GFRA1: variants seen among roughly 807,000 people sequenced by gnomAD.
The protein encoded by GFRA1 is GDNF family receptor alpha 1.
GFRA1 carries 16 observed loss-of-function variants against 51.6 expected under a neutral mutation model. That is an observed-to-expected ratio of 0.31 (90% CI 0.21 to 0.47). GFRA1 has a LOEUF of 0.47. GFRA1 is among the 20% of genes least tolerant of loss of function. The probability of loss-of-function intolerance (pLI) is 1.00; values close to 1 mark genes in which losing one functional copy is unlikely to be tolerated. For synonymous variants in GFRA1, 270 were observed against 241.3 expected (o/e 1.12, Z -1.10); for missense variants, 530 against 594.3 (o/e 0.89, Z 1.13).
At chr10:116,126,095 G>T (rs1295223175) in intron 5 of GFRA1, among the ~76,000 whole-genome samples, 1 of 152,190 alleles carries the variant, frequency 6.6e-6, no homozygotes, top group Non-Finnish European at 1.5e-5. Flanking sequence ...ACAGGAAGAA[G>T]CCACCACAAC....
intron 5 of GFRA1, among the ~76,000 whole-genome samples, chr10:116,187,064 T>G (rs747244521): frequency 1.3e-5 from 2 of 152,196 alleles, no homozygotes; most frequent in African/African-American, 2.4e-5. Context: ...ACAGTTGTGT[T>G]CAGATAACTG....
intron 6 of GFRA1, among the ~76,000 whole-genome samples, chr10:116,097,931 C>T (rs1010548279): frequency 9.2e-5 from 14 of 152,176 alleles, no homozygotes; most frequent in Non-Finnish European, 2.1e-4. Flanking sequence ...TAAGGAAGCG[C>T]ATTATGCATC....
chr10:116,137,401 T>C (rs915103040), intron 5 of GFRA1, among the ~76,000 whole-genome samples: 1 of 152,180 alleles, frequency 6.6e-6, no homozygotes, highest in Non-Finnish European at 1.5e-5. Context: ...CAGGTCTTTA[T>C]TTTTAGTTAA....
At chr10:116,125,645 T>A (rs1957841005) in intron 5 of GFRA1, 88 bp from the exon 6 acceptor site, 2 of 1,039,598 alleles carry the variant, frequency 1.9e-6, no homozygotes, top group African/African-American at 1.6e-5. Flanking sequence ...CTGCCATTTA[T>A]CTGGCATTGC....
intron 4 of GFRA1, among the ~76,000 whole-genome samples, chr10:116,232,867 C>G (rs1311486963): frequency 6.6e-6 from 1 of 152,126 alleles, no homozygotes; most frequent in Non-Finnish European, 1.5e-5. Flanking sequence ...GGGAAGCCCA[C>G]TTCTCATGTG....
chr10:116,064,923 A>G (rs1466015256), intron 10 of GFRA1, among the ~76,000 whole-genome samples: 2 of 152,154 alleles, frequency 1.3e-5, no homozygotes, highest in African/African-American at 4.8e-5. Context: ...CTCTCCCTGC[A>G]TGAGCCAGTT....
chr10:116,244,511 T>A (rs1345265767), intron 4 of GFRA1, among the ~76,000 whole-genome samples: 1 of 147,968 alleles, frequency 6.8e-6, no homozygotes, highest in East Asian at 1.9e-4. Context: ...ATCCTATATA[T>A]AAAAATATAT....
Position 116,061,836 on chromosome 10 carries a change from T to G in GFRA1, c.*2562A>C, listed in dbSNP as rs1233116022. 2 of 396,634 alleles carry G rather than the reference T, an allele frequency of 5.0e-6. No homozygotes were observed. The highest frequency in any genetic ancestry group is 4.1e-5 in the African/African-American group (2 of 48,608). 24.6% of individuals were successfully genotyped at this position (396,634 alleles called of 1,614,324 possible). On this transcript the variant is annotated 3_prime_UTR_variant, in exon 11 of 11. Coordinates refer to ENST00000355422, the MANE Select transcript of GFRA1 (RefSeq NM_005264.8). ...TCCAGTTCTGGGGCAAATGATGGTG[T>G]TTTAGGGTCACCGTGTCAAACTAAG...
At chr10:116,168,827 C>G (rs1358872102) in intron 5 of GFRA1, among the ~76,000 whole-genome samples, 1 of 152,224 alleles carries the variant, frequency 6.6e-6, no homozygotes, top group Non-Finnish European at 1.5e-5. Flanking sequence ...CATCCACATC[C>G]AGCATGCAGA....
intron 5 of GFRA1, among the ~76,000 whole-genome samples, chr10:116,204,046 CTGA>C (rs1964542060): frequency 6.6e-6 from 1 of 152,224 alleles, no homozygotes; most frequent in African/African-American, 2.4e-5. Flanking sequence ...ACTTCTACAT[CTGA>C]GCAGTCATGT....
chr10:116,210,770 C>T (rs889889072), intron 5 of GFRA1, among the ~76,000 whole-genome samples: 16 of 152,134 alleles, frequency 1.1e-4, no homozygotes, highest in Non-Finnish European at 4.4e-5. Flanking sequence ...TATTTTTAAA[C>T]CAGTCTCTTT....
At chr10:116,233,319 C>T (rs10885880) in intron 4 of GFRA1, among the ~76,000 whole-genome samples, 57,022 of 151,242 alleles carry the variant, frequency 0.38, 11,643 homozygotes, top group East Asian at 0.54. Flanking sequence ...CAGAGTGAGA[C>T]TCCATCTCAA....
intron 6 of GFRA1, among the ~76,000 whole-genome samples, chr10:116,115,688 C>T (rs1188023671): frequency 2.0e-5 from 3 of 152,044 alleles, no homozygotes; most frequent in Non-Finnish European, 4.4e-5. Flanking sequence ...TTTGTTGCTC[C>T]GTGGATGAAA....
intron 4 of GFRA1, among the ~76,000 whole-genome samples, chr10:116,247,098 C>A (rs929260067): frequency 3.3e-5 from 5 of 152,142 alleles, no homozygotes; most frequent in Admixed American, 6.5e-5. Context: ...TAAGTCTACA[C>A]CCCTGTATGC....
intron 5 of GFRA1, among the ~76,000 whole-genome samples, chr10:116,200,530 A>C (rs960945454): frequency 4.6e-5 from 7 of 152,224 alleles, no homozygotes; most frequent in African/African-American, 1.7e-4. Flanking sequence ...GCTATAGCTA[A>C]ATATCTGAAA....
At chr10:116,084,968 C>G (rs960750888) in intron 9 of GFRA1, among the ~76,000 whole-genome samples, 32 of 152,166 alleles carry the variant, frequency 2.1e-4, no homozygotes, top group Non-Finnish European at 3.2e-4. Flanking sequence ...AATAGCACAG[C>G]CTGTGCCATG....
At chr10:116,233,246 T>C (rs1378159788) in intron 4 of GFRA1, among the ~76,000 whole-genome samples, 1 of 151,840 alleles carries the variant, frequency 6.6e-6, no homozygotes, top group African/African-American at 2.4e-5. Context: ...GAGCATCCCT[T>C]GAACCTGGGA....
chr10:116,058,384 C>G lies in GFRA1; in HGVS notation c.*6014G>C, dbSNP rs531016223. ...TTCCCACCTGCACCATGGCCGGTAC[C>G]TGACAGCTGTGACTTCCCCGCCGCT... On this transcript the variant is annotated 3_prime_UTR_variant, in exon 11 of 11. Transcript: ENST00000355422. 1 of 152,396 alleles carries G rather than the reference C, an allele frequency of 6.6e-6. No individual in the cohort carries two copies. The highest frequency in any genetic ancestry group is 1.9e-4 in the East Asian group (1 of 5,148). The allele number at this position is 152,396 out of a possible 1,614,324, so 9.4% of individuals were successfully genotyped here.
At chr10:116,202,345 T>C (rs1423601511) in intron 5 of GFRA1, among the ~76,000 whole-genome samples, 1 of 152,134 alleles carries the variant, frequency 6.6e-6, no homozygotes, top group Non-Finnish European at 1.5e-5. Flanking sequence ...AGTATATCTA[T>C]AAGGAGCATT....
Sources: allele counts gnomAD v4.1 joint callset (sites outside exome capture counted in the v4.1 genomes callset), GRCh38; gene constraint gnomAD v4.1.1; transcripts MANE v1.5; gene names NCBI Gene and HGNC (gene_info 2026-07-23, HGNC 2026-07-21).